STAG1: variants seen among roughly 807,000 people sequenced by gnomAD.
STAG1 encodes the protein STAG1 cohesin complex component, also known as cohesin subunit SA-1.
STAG1 carries 26 observed loss-of-function variants against 170.9 expected under a neutral mutation model. That is an observed-to-expected ratio of 0.15 (90% CI 0.11 to 0.21). STAG1 has a LOEUF of 0.21. Among genes scored for constraint, STAG1 ranks in the 10% least tolerant of loss-of-function variants. The pLI, the probability that STAG1 is intolerant of heterozygous loss-of-function variation, is 1.00. For missense variants in STAG1, 964 were observed against 1,509.5 expected (o/e 0.64, Z 5.99); for synonymous variants, 514 against 497.7 (o/e 1.03, Z -0.44).
chr3:136,363,100 A>G (rs1936937390), intron 26 of STAG1, among the ~76,000 whole-genome samples: 1 of 152,186 alleles, frequency 6.6e-6, no homozygotes, highest in Non-Finnish European at 1.5e-5. Context: ...ACTACTTTTT[A>G]AATTTCCAGT....
At chr3:136,475,541 C>G (rs1388526747) in intron 10 of STAG1, among the ~76,000 whole-genome samples, 2 of 152,146 alleles carry the variant, frequency 1.3e-5, no homozygotes, top group East Asian at 1.9e-4. Flanking sequence ...TCTATGAGAG[C>G]TGGAACCAAG....
chr3:136,690,885 T>G (rs1321647384), intron 1 of STAG1, among the ~76,000 whole-genome samples: 1 of 151,498 alleles, frequency 6.6e-6, no homozygotes, highest in African/African-American at 2.4e-5. Flanking sequence ...GCTGGGATAG[T>G]TCTCGAATGG....
chr3:136,607,909 A>G (rs1391411607), intron 3 of STAG1, among the ~76,000 whole-genome samples: 1 of 152,194 alleles, frequency 6.6e-6, no homozygotes, highest in Admixed American at 6.5e-5. Flanking sequence ...ATCAACCAAT[A>G]CAAGAAAGAG....
intron 28 of STAG1, among the ~76,000 whole-genome samples, chr3:136,350,766 C>CT (rs957253650): frequency 6.6e-6 from 1 of 152,074 alleles, no homozygotes; most frequent in African/African-American, 2.4e-5. Flanking sequence ...GTGGTGATGA[C>CT]TTTGTTTATT....
chr3:136,420,072 A>C (rs2087906396), intron 20 of STAG1, among the ~76,000 whole-genome samples: 1 of 151,808 alleles, frequency 6.6e-6, no homozygotes, highest in African/African-American at 2.4e-5. Context: ...AACATGGTGA[A>C]ACCATCTCTA....
chr3:136,359,026 A>C (rs1233119945), intron 27 of STAG1, 122 bp downstream of exon 27: 18 of 807,286 alleles, frequency 2.2e-5, no homozygotes, highest in African/African-American at 3.5e-5. Flanking sequence ...TCTCTAAACT[A>C]ATCTCCAAAG....
Position 136,422,462 on chromosome 3 carries a change from A to G in STAG1, c.1985T>C (p.Ile662Thr). 2 of 1,614,060 alleles carry G rather than the reference A, an allele frequency of 1.2e-6. No individual in the cohort carries two copies. Among genetic ancestry groups the G allele is most frequent in the Non-Finnish European group, 1.7e-6 (2 of 1,179,994 alleles). Residue 662 changes from isoleucine to threonine, a missense_variant, in exon 19 of 34, where the codon ATT (isoleucine) becomes ACT (threonine). Ile to Thr is a moderately conservative substitution (Grantham distance 89). Coordinates refer to ENST00000383202, the MANE Select transcript of STAG1 (RefSeq NM_005862.3). ...ATTGAATCGATCTACAAACTCATCA[A>G]TCAGCTGGCTTCGAGCTATGTCAAC... Reference protein sequence around the residue: ...NRVDIARSQLIDEFVDRFNHS... With the variant: ...NRVDIARSQLTDEFVDRFNHS...
intron 1 of STAG1, among the ~76,000 whole-genome samples, chr3:136,720,512 G>C (rs1292376867): frequency 2.0e-5 from 3 of 152,292 alleles, no homozygotes; most frequent in Admixed American, 2.0e-4. Flanking sequence ...AACTTGGGCT[G>C]AGCACGGTGG....
intron 13 of STAG1, among the ~76,000 whole-genome samples, chr3:136,454,711 T>C (rs1384564279): frequency 6.6e-6 from 1 of 152,220 alleles, no homozygotes; most frequent in Non-Finnish European, 1.5e-5. Flanking sequence ...ATTTATTGCA[T>C]ATAAATAAGG....
chr3:136,664,006 G>A (rs1265396340), intron 1 of STAG1, among the ~76,000 whole-genome samples: 1 of 152,172 alleles, frequency 6.6e-6, no homozygotes, highest in Non-Finnish European at 1.5e-5. Context: ...ATTTTATCAT[G>A]TAAAATTTGC....
At chr3:136,476,102 T>G (rs1000467981) in intron 10 of STAG1, among the ~76,000 whole-genome samples, 1 of 152,248 alleles carries the variant, frequency 6.6e-6, no homozygotes, top group Admixed American at 6.5e-5. Flanking sequence ...CCTGAAAATA[T>G]GGCTCATGCC....
intron 14 of STAG1, among the ~76,000 whole-genome samples, chr3:136,447,596 ATTTTTTT>A (rs777110138): frequency 2.7e-5 from 2 of 74,278 alleles, no homozygotes; most frequent in Non-Finnish European, 2.4e-5. Context: ...AAAGCATCAC[ATTTTTTT>A]TTTTTTTTTT....
chr3:136,742,621 A>C (rs1017792924), intron 1 of STAG1, among the ~76,000 whole-genome samples: 1 of 151,928 alleles, frequency 6.6e-6, no homozygotes, highest in Non-Finnish European at 1.5e-5. Flanking sequence ...AGACTGAGAC[A>C]GGAGAATCAC....
At chr3:136,599,368 T>C (rs1938568539) in intron 4 of STAG1, among the ~76,000 whole-genome samples, 1 of 151,780 alleles carries the variant, frequency 6.6e-6, no homozygotes, top group African/African-American at 2.4e-5. Context: ...CTGTATCTAC[T>C]AAAAATAAAA....
At chr3:136,697,141 A>C (rs1257750483) in intron 1 of STAG1, among the ~76,000 whole-genome samples, 1 of 152,244 alleles carries the variant, frequency 6.6e-6, no homozygotes, top group Non-Finnish European at 1.5e-5. Context: ...TTTCTGACTT[A>C]CAATGAATAA....
intron 2 of STAG1, among the ~76,000 whole-genome samples, chr3:136,625,507 C>G (rs1940053739): frequency 6.6e-6 from 1 of 152,214 alleles, no homozygotes; most frequent in African/African-American, 2.4e-5. Context: ...CTCTGACTTT[C>G]TACTCACAGA....
chr3:136,338,488 A>G (rs760206075), intron 32 of STAG1, 38 bp from the exon 33 acceptor site: 31 of 1,458,660 alleles, frequency 2.1e-5, no homozygotes, highest in Middle Eastern at 3.5e-4. Flanking sequence ...TTTTTCTGAG[A>G]TCATTAAGAC....
At chr3:136,459,259 A>G (rs1024273222) in intron 13 of STAG1, among the ~76,000 whole-genome samples, 16 of 152,020 alleles carry the variant, frequency 1.1e-4, no homozygotes, top group African/African-American at 3.6e-4. Flanking sequence ...AAAGAAAAAA[A>G]GACAAAGAAT....
chr3:136,544,233 T>A (rs1936040758), intron 5 of STAG1, among the ~76,000 whole-genome samples: 2 of 152,138 alleles, frequency 1.3e-5, no homozygotes, highest in Non-Finnish European at 1.5e-5. Context: ...AACTTTCTTA[T>A]CCTCATATAT....
Sources: gnomAD v4.1 joint callset for allele counts (sites outside exome capture counted in the v4.1 genomes callset) on GRCh38, gnomAD v4.1.1 for gene constraint, MANE v1.5 for transcripts, NCBI Gene and HGNC (gene_info 2026-07-23, HGNC 2026-07-21) for gene names.